The following GRAMD1B variants were observed in gnomAD, a reference collection of about 807,000 sequenced individuals.
GRAMD1B encodes protein Aster-B.
A neutral mutation model predicts 99.7 loss-of-function variants in GRAMD1B; 37 were observed. The ratio of observed to expected loss-of-function variants is 0.37; its 90% confidence interval spans 0.29 to 0.49. The LOEUF (loss-of-function observed/expected upper bound fraction) is 0.49. Among genes scored for constraint, GRAMD1B ranks in the 20% least tolerant of loss-of-function variants. GRAMD1B has a pLI of 0.98. For missense variants in GRAMD1B, 888 were observed against 1,009.2 expected (o/e 0.88, Z 1.63); for synonymous variants, 427 against 387.6 (o/e 1.10, Z -1.19).
In GRAMD1B at chr11:123,443,808, C is replaced by A. The variant is rs916524733; in HGVS notation, c.374+12642C>A. Among the ~76,000 whole-genome samples the A allele has an allele frequency of 2.0e-5, 3 of 152,186 alleles. No individual in the cohort carries two copies. The East Asian group carries it at 5.8e-4, about 29-fold the overall frequency. On this transcript the variant is annotated intron_variant, in intron 1 of 19. Transcript: ENST00000635736. ...ATATTGATCAGGCTGGTCTTGAACT[C>A]CTGACCTTGTGATCCACCCGCCTTG...
chr11:123,577,807 A>ATT (rs36014098), intron 3 of GRAMD1B, among the ~76,000 whole-genome samples: 3 of 145,920 alleles, frequency 2.1e-5, no homozygotes, highest in Admixed American at 6.7e-5. Flanking sequence ...GGAGGCTCAT[A>ATT]TTTTTTTTTT....
chr11:123,443,279 G>T (rs767026502), intron 1 of GRAMD1B, among the ~76,000 whole-genome samples: 1 of 152,170 alleles, frequency 6.6e-6, no homozygotes, highest in Non-Finnish European at 1.5e-5. Flanking sequence ...AGATGCAGAG[G>T]TACATAGGTG....
At chr11:123,601,103 T>C (rs1951898428) in intron 8 of GRAMD1B, among the ~76,000 whole-genome samples, 3 of 152,010 alleles carry the variant, frequency 2.0e-5, no homozygotes. Context: ...GGTGGGAATA[T>C]GAGCCTTGGA....
At chr11:123,415,343 C>T (rs1251581453) in intron 1 of GRAMD1B, among the ~76,000 whole-genome samples, 2 of 151,978 alleles carry the variant, frequency 1.3e-5, no homozygotes, top group African/African-American at 4.8e-5. Flanking sequence ...TCTCATGATC[C>T]GCCTGCCTCG....
chr11:123,398,352 CTCT>C (rs991245081), intron 1 of GRAMD1B, among the ~76,000 whole-genome samples: 3 of 152,214 alleles, frequency 2.0e-5, no homozygotes, highest in Non-Finnish European at 4.4e-5. Context: ...GCTAAGGTCT[CTCT>C]TCTTCTTATA....
intron 3 of GRAMD1B, among the ~76,000 whole-genome samples, chr11:123,583,896 C>G (rs186313307): frequency 5.3e-5 from 8 of 152,290 alleles, no homozygotes; most frequent in Admixed American, 3.3e-4. Flanking sequence ...GTGTCCCACC[C>G]TGCCTTTTAC....
chr11:123,558,506 G>A (rs1352414571), intron 2 of GRAMD1B, among the ~76,000 whole-genome samples: 3 of 152,182 alleles, frequency 2.0e-5, no homozygotes, highest in African/African-American at 7.2e-5. Context: ...CTTTTCAACA[G>A]TACAAAGGAG....
Position 123,480,121 on chromosome 11 carries a change from G to A in GRAMD1B, c.375-695G>A, listed in dbSNP as rs928900233. Among the ~76,000 whole-genome samples the A allele has an allele frequency of 1.2e-4, 19 of 152,282 alleles. No individual in the cohort carries two copies. In the South Asian group the frequency reaches 1.9e-3, roughly 15 times the overall value. On this transcript the variant is annotated intron_variant, in intron 1 of 19. Coordinates refer to ENST00000635736, the MANE Select transcript of GRAMD1B (RefSeq NM_001387025.1). ...GTAAGAGGAAAGGCCATTCTTTCCC[G>A]TATTATTATAAGATATGACCTCCCA...
intron 4 of GRAMD1B, among the ~76,000 whole-genome samples, chr11:123,585,506 G>C (rs899566485): frequency 6.6e-6 from 1 of 152,226 alleles, no homozygotes; most frequent in Non-Finnish European, 1.5e-5. Context: ...TTGGTGGGCT[G>C]TGCTGAGTTG....
intron 1 of GRAMD1B, chr11:123,435,330 C>T: frequency 3.0e-6 from 2 of 670,630 alleles, no homozygotes; most frequent in Non-Finnish European, 5.4e-6. Context: ...AGTTAAGTGG[C>T]TGAGAGGGCC....
chr11:123,401,182 T>C (rs1462452180), intron 1 of GRAMD1B, among the ~76,000 whole-genome samples: 1 of 152,234 alleles, frequency 6.6e-6, no homozygotes, highest in African/African-American at 2.4e-5. Context: ...ATGATGAAAT[T>C]GTTTCAACAG....
At chr11:123,446,144 T>C (rs1044515511) in intron 1 of GRAMD1B, among the ~76,000 whole-genome samples, 9 of 152,030 alleles carry the variant, frequency 5.9e-5, no homozygotes, top group Admixed American at 4.6e-4. Context: ...TCTAGTAGGG[T>C]CTGTGAGCCT....
intron 2 of GRAMD1B, among the ~76,000 whole-genome samples, chr11:123,506,149 C>T (rs779599929): frequency 2.6e-5 from 4 of 152,222 alleles, no homozygotes; most frequent in Non-Finnish European, 5.9e-5. Flanking sequence ...GCCCCTCACT[C>T]AGTACTACAT....
intron 2 of GRAMD1B, among the ~76,000 whole-genome samples, chr11:123,521,310 C>G (rs1942180708): frequency 6.6e-6 from 1 of 152,114 alleles, no homozygotes; most frequent in Non-Finnish European, 1.5e-5. Flanking sequence ...GGATTGAGCT[C>G]CTTTTTATAT....
chr11:123,443,053 A>G (rs1189978402), intron 1 of GRAMD1B, among the ~76,000 whole-genome samples: 3 of 152,110 alleles, frequency 2.0e-5, no homozygotes, highest in Non-Finnish European at 4.4e-5. Flanking sequence ...TATGACCTGT[A>G]TCTTGTGCCA....
At chr11:123,436,738 T>G (rs1949176841) in intron 1 of GRAMD1B, among the ~76,000 whole-genome samples, 1 of 152,224 alleles carries the variant, frequency 6.6e-6, no homozygotes, top group Non-Finnish European at 1.5e-5. Flanking sequence ...TAACTACCAT[T>G]GAACATAAGA....
chr11:123,433,963 C>T (rs1039188249), intron 1 of GRAMD1B, among the ~76,000 whole-genome samples: 2 of 152,066 alleles, frequency 1.3e-5, no homozygotes, highest in Non-Finnish European at 2.9e-5. Context: ...GGCGCAGTGG[C>T]TCACGCCTGT....
At chr11:123,545,856 C>T (rs1339915886) in intron 2 of GRAMD1B, among the ~76,000 whole-genome samples, 1 of 152,170 alleles carries the variant, frequency 6.6e-6, no homozygotes, top group East Asian at 1.9e-4. Context: ...GTGTGCTTTA[C>T]TAAATGACCA....
chr11:123,559,338 C>T (rs1027515119), intron 2 of GRAMD1B, among the ~76,000 whole-genome samples: 4 of 152,152 alleles, frequency 2.6e-5, no homozygotes, highest in Non-Finnish European at 5.9e-5. Context: ...ATTAGTTAAT[C>T]GCCATGGGTC....
Sources: gnomAD v4.1 joint callset for allele counts (sites outside exome capture counted in the v4.1 genomes callset) on GRCh38, gnomAD v4.1.1 for gene constraint, MANE v1.5 for transcripts, NCBI Gene and HGNC (gene_info 2026-07-23, HGNC 2026-07-21) for gene names.